Variants in TFG observed in about 807,000 individuals in gnomAD.
The protein encoded by TFG is trafficking from ER to golgi regulator.
In TFG, 22 loss-of-function variants were observed where a neutral mutation model predicts 51.4. The observed-to-expected ratio is 0.43, with a 90% confidence interval of 0.31 to 0.61. The LOEUF is 0.61. Ranked by LOEUF, TFG falls within the 20% of genes least tolerant of loss-of-function variation. The probability of loss-of-function intolerance (pLI) is 0.12; values close to 1 mark genes in which losing one functional copy is unlikely to be tolerated. For missense variants in TFG, 419 were observed against 487.7 expected, an observed-to-expected ratio of 0.86 and a Z score of 1.33; for synonymous variants, 187 against 165.6, an observed-to-expected ratio of 1.13 and a Z score of -0.99.
At chr3:100,743,847 T>C (rs2095128068) in intron 6 of TFG, 1 of 151,988 alleles carries the variant, frequency 6.6e-6, no homozygotes, top group African/African-American at 2.4e-5. Context: ...GGTTTGCTCA[T>C]AGTCTTTTGA....
At chr3:100,719,336 C>A (rs1380358615) in intron 2 of TFG, among the ~76,000 whole-genome samples, 1 of 152,190 alleles carries the variant, frequency 6.6e-6, no homozygotes, top group Non-Finnish European at 1.5e-5. Flanking sequence ...TCCCTTAGCC[C>A]TTTGAAAGCT....
intron 3 of TFG, among the ~76,000 whole-genome samples, chr3:100,727,528 G>T (rs2095079407): frequency 6.6e-6 from 1 of 152,146 alleles, no homozygotes; most frequent in South Asian, 2.1e-4. Flanking sequence ...AAGCATTTTA[G>T]TTTAATTTTT....
chr3:100,714,364 G>T (rs1252911388), intron 2 of TFG, among the ~76,000 whole-genome samples: 1 of 152,046 alleles, frequency 6.6e-6, no homozygotes, highest in African/African-American at 2.4e-5. Context: ...AGCTGGGCGT[G>T]GTGGTGTGCG....
chr3:100,713,896 T>A (rs745536459), intron 2 of TFG, 27 bp downstream of exon 2: 59 of 1,344,670 alleles, frequency 4.4e-5, no homozygotes, highest in South Asian at 2.2e-4. Context: ...AGCTATTTTT[T>A]AAAGTCTTTT....
chr3:100,741,875 G>A (rs2095122144), intron 6 of TFG, among the ~76,000 whole-genome samples: 1 of 152,126 alleles, frequency 6.6e-6, no homozygotes, highest in Non-Finnish European at 1.5e-5. Flanking sequence ...CTACAGGTTT[G>A]TAGACTGCTA....
At chr3:100,716,835 A>G (rs2095047856) in intron 2 of TFG, among the ~76,000 whole-genome samples, 1 of 151,946 alleles carries the variant, frequency 6.6e-6, no homozygotes, top group African/African-American at 2.4e-5. Flanking sequence ...GACCATTTCT[A>G]TGTCTTTTTT....
At chr3:100,741,044 A>G (rs1386228351) in intron 6 of TFG, among the ~76,000 whole-genome samples, 2 of 152,180 alleles carry the variant, frequency 1.3e-5, no homozygotes, top group African/African-American at 4.8e-5. Flanking sequence ...CAGTCATATA[A>G]AAGTGTAGCT....
intron 1 of TFG, chr3:100,710,116 C>T (rs1013093346): frequency 4.6e-5 from 7 of 152,350 alleles, no homozygotes; most frequent in Admixed American, 3.9e-4. Context: ...GCGCCCAATA[C>T]CCGAAGGAGC....
intron 6 of TFG, among the ~76,000 whole-genome samples, chr3:100,740,602 T>G (rs2095118631): frequency 6.6e-6 from 1 of 152,150 alleles, no homozygotes; most frequent in African/African-American, 2.4e-5. Context: ...GTCATTTTTG[T>G]ATTGTGGAGT....
intron 2 of TFG, among the ~76,000 whole-genome samples, chr3:100,717,178 C>G (rs552088851): frequency 6.6e-6 from 1 of 152,298 alleles, no homozygotes; most frequent in African/African-American, 2.4e-5. Flanking sequence ...CTATAGATAA[C>G]ATGGATTATG....
rs2095158373 is a variant in TFG, at chr3:100,748,700, C to T, written c.*169C>T. 7 of 816,512 alleles carry T rather than the reference C, an allele frequency of 8.6e-6. No individual in the cohort carries two copies. Among genetic ancestry groups the T allele is most frequent in the Middle Eastern group, 3.8e-4 (1 of 2,612 alleles). The allele number at this position is 816,512 out of a possible 1,614,324, so 50.6% of individuals were successfully genotyped here. Reference sequence around the variant, plus strand: ...GTATAATTTGCTGGAACACAAAGACCAAAATGAAAGTTTTTTCCTCCCTGC... The same window carrying T: ...GTATAATTTGCTGGAACACAAAGACTAAAATGAAAGTTTTTTCCTCCCTGC... On this transcript the variant is annotated 3_prime_UTR_variant, in exon 8 of 8. Coordinates refer to ENST00000240851, the MANE Select transcript of TFG (RefSeq NM_006070.6).
intron 1 of TFG, among the ~76,000 whole-genome samples, chr3:100,710,625 C>CCTAGAA (rs2095028055): frequency 1.3e-5 from 2 of 152,210 alleles, no homozygotes; most frequent in Non-Finnish European, 2.9e-5. Context: ...GTCCGCCGAA[C>CCTAGAA]CTAGAACCTG....
chr3:100,736,555 G>A (rs1559718742), intron 5 of TFG, 21 bp from the exon 6 acceptor site: 3 of 1,612,466 alleles, frequency 1.9e-6, no homozygotes, highest in Non-Finnish European at 2.5e-6. Context: ...ATACTAAACT[G>A]ACTTTTTTTT....
At chr3:100,739,707 TTCA>T (rs991111978) in intron 6 of TFG, among the ~76,000 whole-genome samples, 1 of 152,216 alleles carries the variant, frequency 6.6e-6, no homozygotes. Flanking sequence ...GCATTCTTTT[TTCA>T]TCATTTTTTC....
At chr3:100,738,952 A>T (rs1405661312) in intron 6 of TFG, among the ~76,000 whole-genome samples, 2 of 152,200 alleles carry the variant, frequency 1.3e-5, no homozygotes, top group East Asian at 3.8e-4. Flanking sequence ...GGGATTTGAC[A>T]CTGATTTGGA....
chr3:100,728,607 T>G, intron 3 of TFG, 105 bp from the exon 4 acceptor site: 10 of 955,550 alleles, frequency 1.0e-5, no homozygotes, highest in East Asian at 3.0e-5. Context: ...TGATATCTTG[T>G]TTTTGTTTTT....
intron 7 of TFG, 25 bp from the exon 8 acceptor site, chr3:100,748,124 C>G (rs751338510): frequency 1.2e-6 from 2 of 1,601,198 alleles, no homozygotes; most frequent in East Asian, 2.2e-5. Flanking sequence ...AGATAAGATA[C>G]ATGTTATTTA....
At chr3:100,727,888 G>A (rs1004814089) in intron 3 of TFG, among the ~76,000 whole-genome samples, 1 of 152,162 alleles carries the variant, frequency 6.6e-6, no homozygotes, top group Non-Finnish European at 1.5e-5. Context: ...AGGCTGGAGT[G>A]CAGTGGAGTG....
chr3:100,709,821 G>C (rs574524440), intron 1 of TFG, 100 bp downstream of exon 1: 3 of 146,438 alleles, frequency 2.0e-5, no homozygotes, highest in East Asian at 2.1e-4. Flanking sequence ...CGGCAGCTGG[G>C]GTCGGAGGCA....
Sources: allele counts gnomAD v4.1 joint callset (sites outside exome capture counted in the v4.1 genomes callset), GRCh38; gene constraint gnomAD v4.1.1; transcripts MANE v1.5; gene names NCBI Gene and HGNC (gene_info 2026-07-23, HGNC 2026-07-21).